The following RBFOX1 variants were observed in gnomAD, a reference collection of about 807,000 sequenced individuals.
RBFOX1 encodes the protein RNA binding protein fox-1 homolog 1.
RBFOX1 carries 8 observed loss-of-function variants against 57.7 expected under a neutral mutation model. The observed-to-expected ratio is 0.14, with a 90% CI of 0.08 to 0.25. The LOEUF (loss-of-function observed/expected upper bound fraction) is 0.25, where lower values mean the gene tolerates loss of function less well. Ranked by LOEUF, RBFOX1 falls within the 10% of genes least tolerant of loss-of-function variation. The pLI is 1.00. For missense variants in RBFOX1, 611 were observed against 548.5 expected (o/e 1.11, Z -1.14); for synonymous variants, 326 against 222.4 (o/e 1.47, Z -4.15).
In RBFOX1 at chr16:7,240,042, C is replaced by G. The variant is rs142212739; in HGVS notation, c.27+187944C>G. On this transcript the variant is annotated intron_variant, in intron 4 of 15. Transcript: ENST00000550418. ...AGTGCAATGCTGCAATGTCTGCTCA[C>G]TAGAACATTTGTCTCCTGAGTTCAA... Among the ~76,000 whole-genome samples, 821 of 152,322 alleles carry G rather than the reference C, an allele frequency of 5.4e-3. 1 individual carries two copies. Among genetic ancestry groups the G allele is most frequent in the Middle Eastern group, 0.031 (9 of 294 alleles).
chr16:6,198,465 A>T (rs759561947), intron 1 of RBFOX1, among the ~76,000 whole-genome samples: 8 of 152,142 alleles, frequency 5.3e-5, no homozygotes, highest in Admixed American at 1.3e-4. Flanking sequence ...TCTTTTTAAG[A>T]TGTTAAAATA....
At chr16:6,279,143 G>A (rs564636782) in intron 1 of RBFOX1, among the ~76,000 whole-genome samples, 105 of 152,212 alleles carry the variant, frequency 6.9e-4, no homozygotes, top group African/African-American at 2.3e-3. Flanking sequence ...GGTTCTGGGG[G>A]TGTTTATGGG....
At chr16:7,116,585 C>T (rs745478688) in intron 4 of RBFOX1, among the ~76,000 whole-genome samples, 4 of 152,134 alleles carry the variant, frequency 2.6e-5, no homozygotes, top group Admixed American at 6.5e-5. Context: ...TAAACTAAAC[C>T]TTTTGGAAAA....
At chr16:5,756,825 T>C (rs1477315058) in intron 3 of RBFOX1, among the ~76,000 whole-genome samples, 4 of 152,164 alleles carry the variant, frequency 2.6e-5, no homozygotes, top group Non-Finnish European at 5.9e-5. Context: ...GACTTCTCAA[T>C]AATACAGCTA....
At chr16:6,561,950 C>T (rs2038137612) in intron 2 of RBFOX1, among the ~76,000 whole-genome samples, 1 of 152,114 alleles carries the variant, frequency 6.6e-6, no homozygotes, top group African/African-American at 2.4e-5. Context: ...TAAAGCTAAC[C>T]ACATTCACAT....
chr16:5,756,080 G>T (rs565427667), intron 3 of RBFOX1, among the ~76,000 whole-genome samples: 1 of 152,184 alleles, frequency 6.6e-6, no homozygotes. Flanking sequence ...GTCTCTCCCA[G>T]TGCCTTCTAA....
chr16:7,282,907 T>C (rs1568023787), intron 4 of RBFOX1, among the ~76,000 whole-genome samples: 1 of 152,224 alleles, frequency 6.6e-6, no homozygotes, highest in Non-Finnish European at 1.5e-5. Context: ...CAACTGCGAT[T>C]AATTCATTAC....
intron 3 of RBFOX1, among the ~76,000 whole-genome samples, chr16:6,977,811 G>A (rs1264426127): frequency 2.6e-5 from 4 of 151,820 alleles, no homozygotes; most frequent in Non-Finnish European, 5.9e-5. Flanking sequence ...TGGATTGCAG[G>A]CACCTTTGGC....
intron 1 of RBFOX1, among the ~76,000 whole-genome samples, chr16:6,290,685 G>A (rs1049313489): frequency 6.6e-6 from 1 of 152,170 alleles, no homozygotes; most frequent in African/African-American, 2.4e-5. Context: ...AGTGAATATT[G>A]GAGGTGTTTG....
At chr16:6,636,291 C>T (rs1287847647) in intron 2 of RBFOX1, among the ~76,000 whole-genome samples, 1 of 152,090 alleles carries the variant, frequency 6.6e-6, no homozygotes, top group Non-Finnish European at 1.5e-5. Flanking sequence ...CTGCCTCAGC[C>T]TCCCGAGTAG....
chr16:7,112,707 T>C (rs1286962120), intron 4 of RBFOX1, among the ~76,000 whole-genome samples: 1 of 151,576 alleles, frequency 6.6e-6, no homozygotes, highest in African/African-American at 2.4e-5. Context: ...TGTCTGTCTG[T>C]CCGCAAATGG....
intron 4 of RBFOX1, among the ~76,000 whole-genome samples, chr16:6,008,550 G>C (rs530679559): frequency 6.6e-6 from 1 of 152,236 alleles, no homozygotes; most frequent in African/African-American, 2.4e-5. Flanking sequence ...AATCAAGATT[G>C]CGGTTAAGGT....
At chr16:7,656,946 G>A (rs1042743810) in intron 12 of RBFOX1, among the ~76,000 whole-genome samples, 3 of 152,028 alleles carry the variant, frequency 2.0e-5, no homozygotes, top group African/African-American at 7.2e-5. Context: ...CTTATCCTGT[G>A]ACCCCTCCTC....
At position 6,130,678 on chromosome 16, in the gene RBFOX1, A is replaced by G. The variant is rs1452053633; in HGVS notation, c.-127+110686A>G. Among the ~76,000 whole-genome samples, 4 of 152,302 alleles carry G rather than the reference A, an allele frequency of 2.6e-5. No individual in the cohort carries two copies. The East Asian group carries it at 7.7e-4, about 29-fold the overall frequency. The stretch of plus-strand genomic sequence containing the variant: ...ACAGTTAGATTGAGTAAAAGAGTGG[A>G]AAACTATATCCCATATGAATAGTAA... On this transcript the variant is annotated intron_variant, in intron 1 of 15. Transcript: ENST00000550418.
At chr16:6,002,204 T>G (rs975700558) in intron 4 of RBFOX1, among the ~76,000 whole-genome samples, 5 of 152,194 alleles carry the variant, frequency 3.3e-5, no homozygotes, top group African/African-American at 1.2e-4. Context: ...CTCAAATTCC[T>G]GGACTCAAAT....
intron 3 of RBFOX1, among the ~76,000 whole-genome samples, chr16:5,698,243 C>T (rs901601314): frequency 2.6e-5 from 4 of 151,776 alleles, no homozygotes; most frequent in Non-Finnish European, 5.9e-5. Context: ...GTAATACTAC[C>T]CCCAGTGAGT....
intron 1 of RBFOX1, among the ~76,000 whole-genome samples, chr16:5,462,393 C>G (rs1420436638): frequency 6.6e-6 from 1 of 152,080 alleles, no homozygotes; most frequent in Non-Finnish European, 1.5e-5. Context: ...TGGTCTTGAT[C>G]TCCTGACCTC....
chr16:5,577,362 C>T (rs887341616), intron 2 of RBFOX1, among the ~76,000 whole-genome samples: 7 of 152,054 alleles, frequency 4.6e-5, no homozygotes, highest in Non-Finnish European at 1.0e-4. Flanking sequence ...GACCTGTTGG[C>T]GGGGGGGTCT....
In RBFOX1 at chr16:6,748,623, C is replaced by A; in HGVS notation, c.-16+93973C>A. Reference sequence around the variant, plus strand: ...GTTGTGAGTTATAATTACACCACTGCACTCCAGCCTGAGCAACAAGGCAAG... The same window carrying A: ...GTTGTGAGTTATAATTACACCACTGAACTCCAGCCTGAGCAACAAGGCAAG... On this transcript the variant is annotated intron_variant, in intron 3 of 15. Transcript: ENST00000550418. 1.3e-5 allele frequency among the ~76,000 whole-genome samples: 2 copies of A among 152,190 alleles called. 1 individual carries two copies. Among genetic ancestry groups the A allele is most frequent in the Non-Finnish European group, 2.9e-5 (2 of 68,040 alleles).
Sources: gnomAD v4.1 joint callset for allele counts (sites outside exome capture counted in the v4.1 genomes callset) on GRCh38, gnomAD v4.1.1 for gene constraint, MANE v1.5 for transcripts, NCBI Gene and HGNC (gene_info 2026-07-23, HGNC 2026-07-21) for gene names.